The following HEBP2 variants were observed in gnomAD, a reference collection of about 807,000 sequenced individuals.
HEBP2 encodes heme-binding protein 2.
A neutral mutation model predicts 23.1 loss-of-function variants in HEBP2; 27 were observed. That is an observed-to-expected ratio of 1.17 (90% CI 0.86 to 1.61). HEBP2 has a LOEUF of 1.61. HEBP2 is among the 40% of genes most tolerant of loss of function. HEBP2 has a pLI of 0.00. For synonymous variants in HEBP2, 99 were observed against 95.1 expected, an observed-to-expected ratio of 1.04 and a Z score of -0.24; for missense variants, 245 against 253.8, an observed-to-expected ratio of 0.97 and a Z score of 0.24.
intron 3 of HEBP2, chr6:138,412,026 G>T (rs561656065): frequency 4.5e-6 from 2 of 441,360 alleles, no homozygotes; most frequent in African/African-American, 4.1e-5. Context: ...CATAAATTCA[G>T]AGAGGTGAAA....
At position 138,413,741 on chromosome 6, in the gene HEBP2, T is replaced by C. The variant is rs1178509923; in HGVS notation, c.*663T>C. The C allele has an allele frequency of 6.6e-6, 1 of 152,348 alleles. No individual in the cohort carries two copies. Among genetic ancestry groups the C allele is most frequent in the African/African-American group, 2.4e-5 (1 of 41,454 alleles). 9.4% of individuals were successfully genotyped at this position (152,348 alleles called of 1,614,324 possible). A position where few individuals can be genotyped will look rare whatever the true frequency, so the allele number is the denominator to read the frequency against. On this transcript the variant is annotated 3_prime_UTR_variant, in exon 4 of 4. Transcript: ENST00000607197. The stretch of plus-strand genomic sequence containing the variant: ...TATTTTCATTCATTCTTTAACTCAT[T>C]GTAGGGAGTCCCTGCTATGTTCCAA...
At chr6:138,405,942 C>T in intron 2 of HEBP2, 29 bp from the exon 3 acceptor site, 1 of 1,588,234 alleles carries the variant, frequency 6.3e-7, no homozygotes, top group Admixed American at 1.8e-5. Context: ...CAAAAATACA[C>T]TAAATTTGCT....
At chr6:138,409,051 G>A (rs1246325384) in intron 3 of HEBP2, among the ~76,000 whole-genome samples, 3 of 151,752 alleles carry the variant, frequency 2.0e-5, no homozygotes, top group East Asian at 3.9e-4. Context: ...TTCTGAGACA[G>A]GGTCTCGCTC....
At position 138,415,976 on chromosome 6, in the gene HEBP2, C is replaced by T. The variant is rs1408236554; in HGVS notation, c.*2898C>T. On this transcript the variant is annotated 3_prime_UTR_variant, in exon 4 of 4. Coordinates refer to ENST00000607197, the MANE Select transcript of HEBP2 (RefSeq NM_014320.3). ...GGTGTCCCTCAGGACTGGTCCCTCC[C>T]CTTCTCCTGGCTACCAGGCCTATAA... 5 of 152,322 alleles carry T rather than the reference C, an allele frequency of 3.3e-5. No individual in the cohort carries two copies. Among genetic ancestry groups the T allele is most frequent in the Admixed American group, 6.5e-5 (1 of 15,280 alleles). 9.4% of individuals were successfully genotyped at this position (152,322 alleles called of 1,614,324 possible).
Position 138,404,492 on chromosome 6 carries a change from GC to G in HEBP2, c.-1del, listed in dbSNP as rs1774598886. 7.8e-7 allele frequency: 1 copy of G among 1,281,986 alleles called. No homozygotes were observed. The highest frequency in any genetic ancestry group is 9.8e-7 in the Non-Finnish European group (1 of 1,015,362). The allele number at this position is 1,281,986 out of a possible 1,614,324, so 79.4% of individuals were successfully genotyped here. ...ACCAGGCTCCCAGAGCGTCAGCGCC[GC>G]CCATGGCCGAGCCGCTCCAGCCAGA... is the stretch of plus-strand genomic sequence containing the variant. On this transcript the variant is annotated 5_prime_UTR_variant, in exon 1 of 4. Transcript: ENST00000607197.
chr6:138,410,607 C>T (rs780004460), intron 3 of HEBP2, among the ~76,000 whole-genome samples: 51 of 151,996 alleles, frequency 3.4e-4, no homozygotes, highest in Non-Finnish European at 5.9e-4. Context: ...CTCAACCTCC[C>T]GAGTAGCTGG....
At chr6:138,403,760 G>A, upstream of HEBP2, 1 of 403,848 alleles carries the variant, frequency 2.5e-6, no homozygotes, top group East Asian at 3.6e-5. Context: ...CCCGAGTCTC[G>A]TTAAGCCTGC....
In HEBP2 at chr6:138,404,397, G is replaced by T. The variant is rs950277025; in HGVS notation, c.-99G>T. ...GGAGGGACCGGGTCTGCGGAGCGGG[G>T]ACTCGGGGCCTCGGCGGGGCGCGCA... is the stretch of plus-strand genomic sequence containing the variant. On this transcript the variant is annotated 5_prime_UTR_variant, in exon 1 of 4. Coordinates refer to ENST00000607197, the MANE Select transcript of HEBP2 (RefSeq NM_014320.3). 9.3e-6 allele frequency: 7 copies of T among 755,132 alleles called. No individual in the cohort carries two copies. In the African/African-American group the frequency reaches 1.1e-4, roughly 12 times the overall value. The allele number at this position is 755,132 out of a possible 1,614,324, so 46.8% of individuals were successfully genotyped here.
rs756007442 is a variant in HEBP2 at position 138,417,068 on chromosome 6, G to A, written c.*3990G>A. On this transcript the variant is annotated 3_prime_UTR_variant, in exon 4 of 4. Coordinates refer to ENST00000607197, the MANE Select transcript of HEBP2 (RefSeq NM_014320.3). ...TGGATACGTCAGGGTCCAAGTTAAC[G>A]TCTGATACCCAGAAACCCAAAGAGT... 7.9e-5 allele frequency: 12 copies of A among 152,134 alleles called. No individual in the cohort carries two copies. The highest frequency in any genetic ancestry group is 3.3e-4 in the Admixed American group (5 of 15,276). The allele number at this position is 152,134 out of a possible 1,614,324, so 9.4% of individuals were successfully genotyped here. A position where few individuals can be genotyped will look rare whatever the true frequency, so the allele number is the denominator to read the frequency against.
At chr6:138,407,589 C>T (rs1034960221) in intron 3 of HEBP2, among the ~76,000 whole-genome samples, 16 of 152,220 alleles carry the variant, frequency 1.1e-4, no homozygotes, top group Admixed American at 3.3e-4. Flanking sequence ...CTACCAGGCT[C>T]GAATTGCACA....
chr6:138,404,466 G>T lies in HEBP2; in HGVS notation c.-30G>T. On this transcript the variant is annotated 5_prime_UTR_variant, in exon 1 of 4. Coordinates refer to ENST00000607197, the MANE Select transcript of HEBP2 (RefSeq NM_014320.3). The stretch of plus-strand genomic sequence containing the variant: ...CGGGGTGCGGGGCCTCTGCGCGGCT[G>T]ACCAGGCTCCCAGAGCGTCAGCGCC... 1 of 1,251,066 alleles carries T rather than the reference G, an allele frequency of 8.0e-7. No homozygotes were observed. Among genetic ancestry groups the T allele is most frequent in the South Asian group, 2.9e-5 (1 of 33,958 alleles). 77.5% of individuals were successfully genotyped at this position (1,251,066 alleles called of 1,614,324 possible).
intron 1 of HEBP2, 54 bp downstream of exon 1, chr6:138,404,651 AG>A (rs1215797189): frequency 2.0e-5 from 22 of 1,123,114 alleles, no homozygotes; most frequent in African/African-American, 3.2e-5. Context: ...GCTGATTTGC[AG>A]TGAGGCCAGC....
rs1343205750 is a variant in HEBP2 at position 138,421,931 on chromosome 6, C to T, written c.*8853C>T. Reference sequence around the variant, plus strand: ...TCACCTCCCCCAGAGACCTTCTGGTCTCACTGCTTTTCTGTTTGTATCCAG... The same window carrying T: ...TCACCTCCCCCAGAGACCTTCTGGTTTCACTGCTTTTCTGTTTGTATCCAG... On this transcript the variant is annotated 3_prime_UTR_variant, in exon 4 of 4. Coordinates refer to ENST00000607197, the MANE Select transcript of HEBP2 (RefSeq NM_014320.3). The T allele has an allele frequency of 6.6e-6, 1 of 152,140 alleles. No individual in the cohort carries two copies. The highest frequency in any genetic ancestry group is 1.5e-5 in the Non-Finnish European group (1 of 68,034). 9.4% of individuals were successfully genotyped at this position (152,140 alleles called of 1,614,324 possible).
At chr6:138,412,804 C>G (rs1456153016) in intron 3 of HEBP2, 76 bp from the exon 4 acceptor site, 1 of 1,272,474 alleles carries the variant, frequency 7.9e-7, no homozygotes, top group African/African-American at 1.5e-5. Flanking sequence ...ACGGTACTAG[C>G]GCCCGCTTTT....
chr6:138,419,267 C>T lies in HEBP2; in HGVS notation c.*6189C>T, dbSNP rs1369169944. ...AACCTGCCTGCAACAAATACCAATG[C>T]TGAGACCCTGATGAGGCTGTGAAGA... On this transcript the variant is annotated 3_prime_UTR_variant, in exon 4 of 4. Transcript: ENST00000607197. 1 of 152,198 alleles carries T rather than the reference C, an allele frequency of 6.6e-6. No individual in the cohort carries two copies. The highest frequency in any genetic ancestry group is 1.5e-5 in the Non-Finnish European group (1 of 68,048). The allele number at this position is 152,198 out of a possible 1,614,324, so 9.4% of individuals were successfully genotyped here. A position where few individuals can be genotyped will look rare whatever the true frequency, so the allele number is the denominator to read the frequency against.
Position 138,421,065 on chromosome 6 carries a change from G to C in HEBP2, c.*7987G>C, listed in dbSNP as rs1183649417. 3 of 152,192 alleles carry C rather than the reference G, an allele frequency of 2.0e-5. No homozygotes were observed. Among genetic ancestry groups the C allele is most frequent in the Non-Finnish European group, 4.4e-5 (3 of 68,044 alleles). 9.4% of individuals were successfully genotyped at this position (152,192 alleles called of 1,614,324 possible). A position where few individuals can be genotyped will look rare whatever the true frequency, so the allele number is the denominator to read the frequency against. On this transcript the variant is annotated 3_prime_UTR_variant, in exon 4 of 4. Coordinates refer to ENST00000607197, the MANE Select transcript of HEBP2 (RefSeq NM_014320.3). ...GGAAGGTAGGTCAGAGCAGGCAACT[G>C]AGAGAAACTGTATTACAGTTACCGA...
intron 3 of HEBP2, among the ~76,000 whole-genome samples, chr6:138,407,021 T>G (rs902145432): frequency 2.0e-5 from 3 of 152,202 alleles, no homozygotes; most frequent in Non-Finnish European, 4.4e-5. Context: ...ACTGAGACCC[T>G]GTCTCAACAA....
At position 138,420,964 on chromosome 6, in the gene HEBP2, T is replaced by A. The variant is rs1053018762; in HGVS notation, c.*7886T>A. 2.6e-5 allele frequency: 4 copies of A among 151,392 alleles called. No individual in the cohort carries two copies. The highest frequency in any genetic ancestry group is 9.7e-5 in the African/African-American group (4 of 41,382). 9.4% of individuals were successfully genotyped at this position (151,392 alleles called of 1,614,324 possible). A position where few individuals can be genotyped will look rare whatever the true frequency, so the allele number is the denominator to read the frequency against. ...GCACATGAGAAGCATTTATTAGGAC[T>A]TTTTTTCCCCCATTGCTGAACAAAT... is the stretch of plus-strand genomic sequence containing the variant. On this transcript the variant is annotated 3_prime_UTR_variant, in exon 4 of 4. Transcript: ENST00000607197.
chr6:138,403,583 C>G (rs765526523), upstream of HEBP2: 6 of 460,856 alleles, frequency 1.3e-5, no homozygotes, highest in Admixed American at 1.2e-4. Flanking sequence ...CTCTGGGGGG[C>G]GCCGGAGCCG....
Sources: gnomAD v4.1 joint callset for allele counts (sites outside exome capture counted in the v4.1 genomes callset) on GRCh38, gnomAD v4.1.1 for gene constraint, MANE v1.5 for transcripts, NCBI Gene and HGNC (gene_info 2026-07-23, HGNC 2026-07-21) for gene names.